FLT1: variants seen among roughly 807,000 people sequenced by gnomAD.
FLT1 encodes the protein fms related receptor tyrosine kinase 1.
FLT1 carries 49 observed loss-of-function variants against 156.3 expected under a neutral mutation model. The ratio of observed to expected loss-of-function variants is 0.31; its 90% CI spans 0.25 to 0.40. The LOEUF is 0.40. Ranked by LOEUF, FLT1 falls within the 10% of genes least tolerant of loss-of-function variation. The pLI is 1.00. For synonymous variants in FLT1, 594 were observed against 583.8 expected, an observed-to-expected ratio of 1.02 and a Z score of -0.25; for missense variants, 1,322 against 1,637.2, an observed-to-expected ratio of 0.81 and a Z score of 3.32.
chr13:28,319,552 G>A lies in FLT1; in HGVS notation c.3175-18C>T, dbSNP rs1271940040. 2.7e-6 allele frequency: 4 copies of A among 1,497,718 alleles called. No homozygotes were observed. The highest frequency in any genetic ancestry group is 1.4e-5 in the African/African-American group (1 of 72,650). 92.8% of individuals were successfully genotyped at this position (1,497,718 alleles called of 1,614,324 possible). On this transcript the variant is annotated intron_variant, in intron 23 of 29. Coordinates refer to ENST00000282397, the MANE Select transcript of FLT1 (RefSeq NM_002019.4). ...AGTCGAGTCTAGAAGAGGGCAAGGG[G>A]GCCTTGAGCAGAAGGGCATGAAAAC... is the stretch of plus-strand genomic sequence containing the variant.
intron 13 of FLT1, chr13:28,387,598 A>G: frequency 1.9e-6 from 2 of 1,064,898 alleles, no homozygotes; most frequent in Non-Finnish European, 2.3e-6. Flanking sequence ...GCCAGGTCAC[A>G]TAAATACACA....
intron 3 of FLT1, among the ~76,000 whole-genome samples, chr13:28,444,597 T>C (rs375681929): frequency 2.4e-4 from 36 of 152,242 alleles, no homozygotes; most frequent in African/African-American, 8.4e-4. Context: ...TGAAACATTC[T>C]CCAAGATAGA....
chr13:28,418,304 G>A (rs1332529993), intron 10 of FLT1, among the ~76,000 whole-genome samples: 1 of 152,136 alleles, frequency 6.6e-6, no homozygotes. Context: ...AAGATATCAT[G>A]AAATTTGAGC....
intron 28 of FLT1, among the ~76,000 whole-genome samples, chr13:28,307,520 A>C (rs903504831): frequency 6.6e-6 from 1 of 152,156 alleles, no homozygotes; most frequent in African/African-American, 2.4e-5. Flanking sequence ...CCTTGAAAAA[A>C]ATGTGCCAAG....
chr13:28,408,014 G>A (rs1267051564), intron 10 of FLT1, among the ~76,000 whole-genome samples: 1 of 152,154 alleles, frequency 6.6e-6, no homozygotes, highest in Non-Finnish European at 1.5e-5. Context: ...ATATACACAT[G>A]TGTATACCTA....
rs1566050313 is a variant in FLT1 at position 28,473,735 on chromosome 13, AAG to A, written c.65-6120_65-6119del. 8.0e-3 allele frequency among the ~76,000 whole-genome samples: 506 copies of A among 63,316 alleles called. 11 individuals are homozygous for A. Among genetic ancestry groups the A allele is most frequent in the African/African-American group, 0.02 (248 of 12,708 alleles). 41.5% of individuals were successfully genotyped at this position (63,316 alleles called of 152,430 possible). On this transcript the variant is annotated intron_variant, in intron 1 of 29. Transcript: ENST00000282397. The stretch of plus-strand genomic sequence containing the variant: ...GAAAGAAAGAAAGAAAGAAAGAAGG[AAG>A]GAAGGAAGGAAGGAAGGAAGGAAGG...
At chr13:28,494,736 C>T (rs1881664316) in intron 1 of FLT1, 44 bp downstream of exon 1, 1 of 1,486,786 alleles carries the variant, frequency 6.7e-7, no homozygotes, top group Non-Finnish European at 9.1e-7. Flanking sequence ...TCCGGCCGCC[C>T]CATCGCAGCC....
intron 12 of FLT1, among the ~76,000 whole-genome samples, chr13:28,391,911 T>C (rs936389605): frequency 3.9e-5 from 6 of 152,222 alleles, no homozygotes; most frequent in African/African-American, 1.4e-4. Context: ...TGCTTATTAC[T>C]AGTGGTGTAT....
At chr13:28,399,158 C>T in intron 11 of FLT1, 2 of 1,402,588 alleles carry the variant, frequency 1.4e-6, no homozygotes, top group Non-Finnish European at 9.9e-7. Flanking sequence ...ACTCTGACTC[C>T]CTTACATTGT....
intron 2 of FLT1, 32 bp from the exon 3 acceptor site, chr13:28,467,161 T>G (rs770669017): frequency 3.3e-6 from 5 of 1,536,726 alleles, no homozygotes; most frequent in East Asian, 4.5e-5. Flanking sequence ...CAAAACATAT[T>G]TATGGCTGGG....
chr13:28,456,928 C>T (rs916619620), intron 3 of FLT1, among the ~76,000 whole-genome samples: 3 of 152,152 alleles, frequency 2.0e-5, no homozygotes. Context: ...ATAGTGGATA[C>T]ATGTCATTGT....
chr13:28,425,215 C>G (rs1457928311), intron 10 of FLT1, among the ~76,000 whole-genome samples: 2 of 152,120 alleles, frequency 1.3e-5, no homozygotes, highest in Non-Finnish European at 2.9e-5. Flanking sequence ...CAGATAATTT[C>G]AAGCAGCAAC....
chr13:28,371,333 A>T, intron 14 of FLT1, among the ~76,000 whole-genome samples: 1 of 152,322 alleles, frequency 6.6e-6, no homozygotes, highest in South Asian at 2.1e-4. Context: ...TAAATGGAAA[A>T]TTCCATAAAT....
intron 15 of FLT1, among the ~76,000 whole-genome samples, chr13:28,355,900 C>T (rs1449593278): frequency 2.0e-5 from 3 of 152,194 alleles, no homozygotes. Flanking sequence ...CAGTTTTAAG[C>T]ACACTGGCTT....
At chr13:28,414,145 G>A (rs939318576) in intron 10 of FLT1, among the ~76,000 whole-genome samples, 7 of 152,186 alleles carry the variant, frequency 4.6e-5, no homozygotes. Context: ...TACTATTAGT[G>A]TCCCGCAGCG....
chr13:28,309,884 CTTTTTTTTT>C (rs60568918), intron 27 of FLT1, among the ~76,000 whole-genome samples: 1 of 90,872 alleles, frequency 1.1e-5, no homozygotes, highest in Non-Finnish European at 2.0e-5. Context: ...TTCTTTTTTC[CTTTTTTTTT>C]TTTTTTTTTT....
At chr13:28,318,998 G>T (rs189785907) in intron 24 of FLT1, among the ~76,000 whole-genome samples, 1 of 152,186 alleles carries the variant, frequency 6.6e-6, no homozygotes, top group Non-Finnish European at 1.5e-5. Context: ...CACCTTCCTC[G>T]CTGGGGCAGC....
intron 18 of FLT1, among the ~76,000 whole-genome samples, chr13:28,333,367 T>A (rs1871999458): frequency 6.6e-6 from 1 of 152,044 alleles, no homozygotes; most frequent in Non-Finnish European, 1.5e-5. Flanking sequence ...GACCTGTGAG[T>A]CTTTGAGACA....
At position 28,390,373 on chromosome 13, in the gene FLT1, T is replaced by C. The variant is rs1414298259; in HGVS notation, c.1661-269A>G. On this transcript the variant is annotated intron_variant, in intron 12 of 29. Coordinates refer to ENST00000282397, the MANE Select transcript of FLT1 (RefSeq NM_002019.4). ...GAAGTTGCTCTTCAAAGTGGCATAT[T>C]TTCTCCAACTTGGTTGTTAACTTTA... is the stretch of plus-strand genomic sequence containing the variant. 2.6e-5 allele frequency among the ~76,000 whole-genome samples: 4 copies of C among 152,196 alleles called. No homozygotes were observed. In the East Asian group the frequency reaches 7.7e-4, roughly 29 times the overall value.
Sources: allele counts gnomAD v4.1 joint callset (sites outside exome capture counted in the v4.1 genomes callset), GRCh38; gene constraint gnomAD v4.1.1; transcripts MANE v1.5; gene names NCBI Gene and HGNC (gene_info 2026-07-23, HGNC 2026-07-21).